Variants in UBE2E2 observed in about 807,000 individuals in gnomAD.
UBE2E2 encodes ubiquitin-conjugating enzyme E2 E2.
Under a neutral mutation model 24.7 loss-of-function variants are expected in UBE2E2, and 6 were observed. The observed-to-expected ratio is 0.24, with a 90% confidence interval of 0.13 to 0.48. The LOEUF (loss-of-function observed/expected upper bound fraction) is 0.48, where lower values mean the gene tolerates loss of function less well. UBE2E2 is among the 20% of genes least tolerant of loss of function. UBE2E2 has a pLI of 0.99. For missense variants in UBE2E2, 169 were observed against 245.0 expected (o/e 0.69, Z 2.07); for synonymous variants, 104 against 83.6 (o/e 1.24, Z -1.33).
At chr3:23,351,505 A>ACAC (rs776303071) in intron 3 of UBE2E2, among the ~76,000 whole-genome samples, 51 of 152,278 alleles carry the variant, frequency 3.3e-4, no homozygotes, top group Admixed American at 6.5e-4. Context: ...ATGGGCACAG[A>ACAC]CACACACAGG....
At chr3:23,538,870 T>G (rs1450748604) in intron 5 of UBE2E2, among the ~76,000 whole-genome samples, 1 of 152,224 alleles carries the variant, frequency 6.6e-6, no homozygotes, top group African/African-American at 2.4e-5. Flanking sequence ...TTCCCTACTT[T>G]GTCAATTCTG....
chr3:23,561,743 T>G (rs1284813981), intron 5 of UBE2E2, among the ~76,000 whole-genome samples: 2 of 152,174 alleles, frequency 1.3e-5, no homozygotes, highest in African/African-American at 2.4e-5. Context: ...CCTCTTTTAT[T>G]TCATTGAGCA....
chr3:23,354,756 C>T (rs77090762), intron 3 of UBE2E2, among the ~76,000 whole-genome samples: 127,096 of 152,098 alleles, frequency 0.84, 53,151 homozygotes, highest in African/African-American at 0.88. Flanking sequence ...TGTGGAGAAA[C>T]AGGAACACTT....
chr3:23,317,560 G>T (rs544199028), intron 3 of UBE2E2, among the ~76,000 whole-genome samples: 1 of 152,148 alleles, frequency 6.6e-6, no homozygotes, highest in East Asian at 1.9e-4. Flanking sequence ...TTACAGTTCC[G>T]CATGGCTGGG....
At chr3:23,519,454 A>T (rs1453483862) in intron 4 of UBE2E2, among the ~76,000 whole-genome samples, 1 of 152,160 alleles carries the variant, frequency 6.6e-6, no homozygotes, top group Non-Finnish European at 1.5e-5. Flanking sequence ...GTACAGTATT[A>T]TGAGTATCAG....
chr3:23,256,091 AAG>A (rs1697714399), intron 3 of UBE2E2, among the ~76,000 whole-genome samples: 1 of 152,210 alleles, frequency 6.6e-6, no homozygotes, highest in Non-Finnish European at 1.5e-5. Flanking sequence ...GACCACTATA[AAG>A]AGATCATTCT....
intron 5 of UBE2E2, among the ~76,000 whole-genome samples, chr3:23,588,368 C>CTT (rs140466518): frequency 6.9e-6 from 1 of 145,682 alleles, no homozygotes; most frequent in African/African-American, 2.5e-5. Context: ...ACCTAAGTTA[C>CTT]TTTTTTTTTA....
chr3:23,334,186 A>G (rs1347453245), intron 3 of UBE2E2, among the ~76,000 whole-genome samples: 2 of 152,238 alleles, frequency 1.3e-5, no homozygotes, highest in Non-Finnish European at 2.9e-5. Context: ...AAGTAATGGC[A>G]AAACCTCGTA....
At position 23,346,087 on chromosome 3, in the gene UBE2E2, C is replaced by A. The variant is rs1006833101; in HGVS notation, c.227+128775C>A. Among the ~76,000 whole-genome samples, 15 of 152,246 alleles carry A rather than the reference C, an allele frequency of 9.9e-5. No individual in the cohort carries two copies. The South Asian group carries it at 2.5e-3, about 25-fold the overall frequency. On this transcript the variant is annotated intron_variant, in intron 3 of 5. Transcript: ENST00000396703. ...TATTCCCTTCTTATTTTTAAGCCCC[C>A]CTACTTCTAGTTTTCGCCTTTCTTA...
chr3:23,500,218 A>G (rs1284540165), intron 4 of UBE2E2, among the ~76,000 whole-genome samples: 1 of 152,226 alleles, frequency 6.6e-6, no homozygotes, highest in East Asian at 1.9e-4. Flanking sequence ...AGCTGCTCAC[A>G]TGTAGCACAC....
At position 23,546,460 on chromosome 3, in the gene UBE2E2, A is replaced by ATTT. The variant is rs899923576; in HGVS notation, c.508+13786_508+13788dup. Reference sequence around the variant, plus strand: ...AATTTCTGAAGTCAAGAACATTTAGATTTTTTTTTTTTTTTTTTTTTTTTT... The same window carrying ATTT: ...AATTTCTGAAGTCAAGAACATTTAGATTTTTTTTTTTTTTTTTTTTTTTTTTTT... On this transcript the variant is annotated intron_variant, in intron 5 of 5. Transcript: ENST00000396703. Among the ~76,000 whole-genome samples the ATTT allele has an allele frequency of 3.3e-4, 25 of 76,896 alleles. 1 individual carries two copies. The highest frequency in any genetic ancestry group is 8.0e-4 in the African/African-American group (14 of 17,514). 50.4% of individuals were successfully genotyped at this position (76,896 alleles called of 152,430 possible).
chr3:23,531,127 C>G (rs140096705), intron 4 of UBE2E2, among the ~76,000 whole-genome samples: 2 of 152,078 alleles, frequency 1.3e-5, no homozygotes, highest in Non-Finnish European at 2.9e-5. Flanking sequence ...GTCTCTTGTT[C>G]GACAACCACA....
At chr3:23,246,953 GTTC>G (rs1451848774) in intron 3 of UBE2E2, among the ~76,000 whole-genome samples, 1 of 151,868 alleles carries the variant, frequency 6.6e-6, no homozygotes, top group Non-Finnish European at 1.5e-5. Flanking sequence ...GAGCTCAAGG[GTTC>G]TTCTTGCCTC....
chr3:23,541,334 C>G (rs1695392474), intron 5 of UBE2E2, among the ~76,000 whole-genome samples: 1 of 152,186 alleles, frequency 6.6e-6, no homozygotes, highest in African/African-American at 2.4e-5. Context: ...GCCTCTTCCT[C>G]AGAAAAGAAA....
At chr3:23,576,352 A>G (rs1696347192) in intron 5 of UBE2E2, among the ~76,000 whole-genome samples, 1 of 152,206 alleles carries the variant, frequency 6.6e-6, no homozygotes, top group Non-Finnish European at 1.5e-5. Context: ...ACAGTGGATC[A>G]TAGCCTTGAA....
At chr3:23,244,135 GAA>G (rs11381346) in intron 3 of UBE2E2, among the ~76,000 whole-genome samples, 1 of 147,030 alleles carries the variant, frequency 6.8e-6, no homozygotes, top group African/African-American at 2.5e-5. Context: ...ATTTCATTTG[GAA>G]AAAAAAAAAG....
At chr3:23,295,684 C>T (rs1296317902) in intron 3 of UBE2E2, among the ~76,000 whole-genome samples, 2 of 152,142 alleles carry the variant, frequency 1.3e-5, no homozygotes, top group Admixed American at 6.5e-5. Flanking sequence ...AGCAGTATTC[C>T]GGTTGGAACA....
intron 3 of UBE2E2, among the ~76,000 whole-genome samples, chr3:23,382,675 TC>T (rs1696705726): frequency 6.6e-6 from 1 of 152,184 alleles, no homozygotes; most frequent in Non-Finnish European, 1.5e-5. Flanking sequence ...CTCTGAAAAA[TC>T]ACAGCTTTGC....
intron 3 of UBE2E2, among the ~76,000 whole-genome samples, chr3:23,404,081 C>A (rs572617632): frequency 4.3e-4 from 65 of 152,174 alleles, no homozygotes; most frequent in African/African-American, 1.5e-3. Flanking sequence ...CTTGTTGACC[C>A]CATTTTCTTG....
Sources: gnomAD v4.1 joint callset for allele counts (sites outside exome capture counted in the v4.1 genomes callset) on GRCh38, gnomAD v4.1.1 for gene constraint, MANE v1.5 for transcripts, NCBI Gene and HGNC (gene_info 2026-07-23, HGNC 2026-07-21) for gene names.